The following MYO18B variants were observed in gnomAD, a reference collection of about 807,000 sequenced individuals.
MYO18B encodes the protein unconventional myosin-XVIIIb.
In MYO18B, 204 loss-of-function variants were observed where a neutral mutation model predicts 273.0. That is an observed-to-expected ratio of 0.75 (90% CI 0.67 to 0.84). MYO18B has a LOEUF of 0.84. Ranked by LOEUF, MYO18B falls within the 40% of genes least tolerant of loss-of-function variation. MYO18B has a pLI of 0.00. For synonymous variants in MYO18B, 1,330 were observed against 1,305.7 expected, an observed-to-expected ratio of 1.02 and a Z score of -0.40; for missense variants, 3,212 against 3,287.6, an observed-to-expected ratio of 0.98 and a Z score of 0.56.
chr22:26,044,672 A>G, the MYO18B span, among the ~76,000 whole-genome samples: 1 of 152,208 alleles, frequency 6.6e-6, no homozygotes, highest in Non-Finnish European at 1.5e-5. Context: ...CTTGCCTACC[A>G]TTCATTTTGG....
chr22:25,807,580 A>G lies in MYO18B; in HGVS notation c.2521+9483A>G, dbSNP rs530259740. Among the ~76,000 whole-genome samples the G allele has an allele frequency of 9.8e-5, 15 of 152,310 alleles. No homozygotes were observed. In the South Asian group the frequency reaches 2.3e-3, roughly 23 times the overall value. The stretch of plus-strand genomic sequence containing the variant: ...CATTTCCCAGGCTTCATGTGGTCTC[A>G]GGTCTCTCCCTGTGGGCTAGTTGGG... On this transcript the variant is annotated intron_variant, in intron 12 of 43. Transcript: ENST00000335473.
rs1935473659 is a variant in MYO18B at position 26,017,744 on chromosome 22, T to G, written c.6471-8701T>G. 2.6e-5 allele frequency among the ~76,000 whole-genome samples: 4 copies of G among 152,218 alleles called. No individual in the cohort carries two copies. The South Asian group carries it at 8.3e-4, about 31-fold the overall frequency. On this transcript the variant is annotated intron_variant, in intron 42 of 43. Transcript: ENST00000335473. Reference sequence around the variant, plus strand: ...GATTCTATTAAAGAATGATACTCATTATATTTGATTATGCTTCTTTAGTCT... The same window carrying G: ...GATTCTATTAAAGAATGATACTCATGATATTTGATTATGCTTCTTTAGTCT...
intron 34 of MYO18B, among the ~76,000 whole-genome samples, chr22:25,928,447 A>G (rs2092452054): frequency 6.6e-6 from 1 of 150,676 alleles, no homozygotes; most frequent in South Asian, 2.1e-4. Flanking sequence ...GCTAAATCAC[A>G]GGAGCCCTGA....
intron 32 of MYO18B, 109 bp downstream of exon 32, chr22:25,908,541 C>A: frequency 1.1e-6 from 1 of 879,788 alleles, no homozygotes; most frequent in Admixed American, 2.3e-5. Flanking sequence ...TGGGGACAAG[C>A]TCTTTCTGCA....
rs547209626 is a variant in MYO18B, at chr22:25,939,613, A to G, written c.5518-6524A>G. 2.0e-5 allele frequency among the ~76,000 whole-genome samples: 3 copies of G among 152,294 alleles called. No homozygotes were observed. In the South Asian group the frequency reaches 6.2e-4, roughly 32 times the overall value. ...CCCCTCTTTGAGCTTGGGGAGCAGG[A>G]TCTGCACCATCAAAGCACATGGATG... On this transcript the variant is annotated intron_variant, in intron 34 of 43. Transcript: ENST00000335473.
At chr22:25,747,079 A>AC (rs1446748790) in intron 1 of MYO18B, among the ~76,000 whole-genome samples, 2 of 152,176 alleles carry the variant, frequency 1.3e-5, no homozygotes, top group Non-Finnish European at 2.9e-5. Context: ...CCGAGATGGC[A>AC]CCACTGTACT....
At chr22:25,801,822 G>A (rs780630234) in intron 12 of MYO18B, among the ~76,000 whole-genome samples, 5 of 152,156 alleles carry the variant, frequency 3.3e-5, no homozygotes, top group Admixed American at 1.3e-4. Context: ...AAACTGATGC[G>A]CAGCAGAGAG....
At chr22:26,056,732 A>C in the MYO18B span, among the ~76,000 whole-genome samples, 1 of 152,206 alleles carries the variant, frequency 6.6e-6, no homozygotes, top group East Asian at 1.9e-4. Flanking sequence ...GGATGGGCAG[A>C]GAAATGGGAG....
At chr22:25,924,488 G>A (rs541609047) in intron 34 of MYO18B, among the ~76,000 whole-genome samples, 8 of 152,312 alleles carry the variant, frequency 5.3e-5, no homozygotes, top group Middle Eastern at 3.4e-3. Context: ...ACAATGATAC[G>A]AATAAATAGA....
At chr22:26,057,031 A>T in the MYO18B span, among the ~76,000 whole-genome samples, 1 of 152,172 alleles carries the variant, frequency 6.6e-6, no homozygotes, top group Non-Finnish European at 1.5e-5. Flanking sequence ...AGCCCTGTAG[A>T]GACACATTTC....
In MYO18B at chr22:26,002,807, A is replaced by G. The variant is rs1297239784; in HGVS notation, c.6288-458A>G. Reference sequence around the variant, plus strand: ...TGAATGGAGGGATGCTCTCTAAAGAACAGCTACCATCGTAATTAGTATTGG... The same window carrying G: ...TGAATGGAGGGATGCTCTCTAAAGAGCAGCTACCATCGTAATTAGTATTGG... On this transcript the variant is annotated intron_variant, in intron 40 of 43. Coordinates refer to ENST00000335473, the MANE Select transcript of MYO18B (RefSeq NM_032608.7). Among the ~76,000 whole-genome samples the G allele has an allele frequency of 4.6e-5, 7 of 152,164 alleles. No homozygotes were observed. The East Asian group carries it at 1.3e-3, about 29-fold the overall frequency.
Position 25,966,218 on chromosome 22 carries a change from A to C in MYO18B, c.6156+10854A>C, listed in dbSNP as rs79602082. Among the ~76,000 whole-genome samples the C allele has an allele frequency of 7.7e-3, 1,178 of 152,294 alleles. 18 individuals are homozygous for C. Among genetic ancestry groups the C allele is most frequent in the African/African-American group, 0.026 (1,091 of 41,542 alleles). Reference sequence around the variant, plus strand: ...AGTAGGTAGGGGCCTTAGGAAGCCCAAAGTCAGGTTCTGTTTTTTGTTTGT... The same window carrying C: ...AGTAGGTAGGGGCCTTAGGAAGCCCCAAGTCAGGTTCTGTTTTTTGTTTGT... On this transcript the variant is annotated intron_variant, in intron 39 of 43. Coordinates refer to ENST00000335473, the MANE Select transcript of MYO18B (RefSeq NM_032608.7).
intron 17 of MYO18B, 117 bp downstream of exon 17, chr22:25,835,560 G>A (rs1412283057): frequency 2.4e-5 from 30 of 1,252,620 alleles, no homozygotes; most frequent in East Asian, 9.3e-5. Flanking sequence ...AACGTGCAGA[G>A]GTGAATGTGC....
At chr22:25,829,030 G>A (rs1442531037) in intron 15 of MYO18B, 62 bp downstream of exon 15, 2 of 1,546,814 alleles carry the variant, frequency 1.3e-6, no homozygotes, top group Non-Finnish European at 1.8e-6. Flanking sequence ...GGTCAGATGG[G>A]AAGGGGTGGG....
chr22:25,748,144 A>C (rs907497564), intron 1 of MYO18B, among the ~76,000 whole-genome samples: 1 of 152,206 alleles, frequency 6.6e-6, no homozygotes, highest in Non-Finnish European at 1.5e-5. Flanking sequence ...ACAGATGAGA[A>C]AACTGGGGGC....
intron 11 of MYO18B, 112 bp downstream of exon 11, chr22:25,785,603 C>A (rs1009882452): frequency 1.7e-6 from 2 of 1,150,684 alleles, no homozygotes; most frequent in Non-Finnish European, 2.5e-6. Flanking sequence ...TCATAGTTGG[C>A]AAGGGTTGGT....
At position 25,828,933 on chromosome 22, in the gene MYO18B, C is replaced by T. The variant is rs201442805; in HGVS notation, c.2944C>T (p.Arg982Trp). 248 of 1,613,952 alleles carry T rather than the reference C, an allele frequency of 1.5e-4. 1 individual carries two copies. Among genetic ancestry groups the T allele is most frequent in the African/African-American group, 1.1e-3 (81 of 75,044 alleles). ...HERLQLLFYQ[R>W]TFVSTLQRYQ... ...GCGCCTGCAGCTGCTGTTCTACCAG[C>T]GGACCTTTGTCTCCACGCTACAGCG... is the stretch of plus-strand genomic sequence containing the variant. Residue 982 changes from arginine to tryptophan, a missense_variant, in exon 15 of 44, where the codon CGG (arginine) becomes TGG (tryptophan). By Grantham distance (101) the Arg-to-Trp change is moderately radical. Transcript: ENST00000335473.
intron 22 of MYO18B, among the ~76,000 whole-genome samples, chr22:25,873,975 G>A (rs1399713202): frequency 1.3e-5 from 2 of 152,204 alleles, no homozygotes; most frequent in African/African-American, 4.8e-5. Context: ...TTGTGTTAAA[G>A]TGCAGGTTCT....
At chr22:25,829,379 C>T (rs893015961) in intron 15 of MYO18B, among the ~76,000 whole-genome samples, 6 of 152,200 alleles carry the variant, frequency 3.9e-5, no homozygotes, top group African/African-American at 1.2e-4. Context: ...CCCTCTGCAG[C>T]ACAGCACGGT....
Sources: gnomAD v4.1 joint callset for allele counts (sites outside exome capture counted in the v4.1 genomes callset) on GRCh38, gnomAD v4.1.1 for gene constraint, MANE v1.5 for transcripts, NCBI Gene and HGNC (gene_info 2026-07-23, HGNC 2026-07-21) for gene names.